The following PALM2AKAP2 variants were observed in gnomAD, a reference collection of about 807,000 sequenced individuals.
PALM2AKAP2 encodes PALM2-AKAP2 fusion protein.
In PALM2AKAP2, 37 loss-of-function variants were observed where a neutral mutation model predicts 71.5. The ratio of observed to expected loss-of-function variants is 0.52; its 90% CI spans 0.40 to 0.68. PALM2AKAP2 has a LOEUF of 0.68. PALM2AKAP2 is among the 30% of genes least tolerant of loss of function. The probability of loss-of-function intolerance (pLI) is 0.00; values close to 1 mark genes in which losing one functional copy is unlikely to be tolerated. For synonymous variants in PALM2AKAP2, 468 were observed against 478.8 expected (o/e 0.98, Z 0.29); for missense variants, 1,224 against 1,191.8 (o/e 1.03, Z -0.40).
exon 4 of PALM2AKAP2, chr9:110,170,744 T>A (rs548619826): frequency 2.2e-4 from 33 of 152,132 alleles, no homozygotes; most frequent in Admixed American, 6.5e-5. Context: ...GAAAATGAGA[T>A]CCGTGTTAGA....
intron 1 of PALM2AKAP2, among the ~76,000 whole-genome samples, chr9:109,690,743 A>G (rs1461452952): frequency 6.6e-6 from 1 of 152,206 alleles, no homozygotes; most frequent in Non-Finnish European, 1.5e-5. Flanking sequence ...GTAAATTATA[A>G]AGACTCTCTC....
At chr9:109,797,955 C>T (rs1430600546) in intron 1 of PALM2AKAP2, among the ~76,000 whole-genome samples, 1 of 152,128 alleles carries the variant, frequency 6.6e-6, no homozygotes, top group Non-Finnish European at 1.5e-5. Flanking sequence ...TAATAAAGTG[C>T]CACAAATTGG....
At chr9:110,069,446 G>T (rs939174891) in intron 1 of PALM2AKAP2, among the ~76,000 whole-genome samples, 2 of 152,124 alleles carry the variant, frequency 1.3e-5, no homozygotes, top group Admixed American at 6.6e-5. Context: ...CATGAGACAG[G>T]TTCATTTTTA....
chr9:109,749,414 G>T (rs1828852525), intron 1 of PALM2AKAP2, among the ~76,000 whole-genome samples: 1 of 152,036 alleles, frequency 6.6e-6, no homozygotes, highest in South Asian at 2.1e-4. Flanking sequence ...TGTCTAGATT[G>T]CTGCTGGCTT....
At chr9:109,894,164 C>T (rs750738850) in intron 3 of PALM2AKAP2, among the ~76,000 whole-genome samples, 1 of 152,082 alleles carries the variant, frequency 6.6e-6, no homozygotes, top group Non-Finnish European at 1.5e-5. Flanking sequence ...TGATGAAACC[C>T]CGTCTCTACT....
At chr9:109,865,096 CTTTT>C (rs58922983) in intron 1 of PALM2AKAP2, among the ~76,000 whole-genome samples, 19 of 75,646 alleles carry the variant, frequency 2.5e-4, no homozygotes, top group Admixed American at 6.2e-4. Flanking sequence ...CTACTCATTC[CTTTT>C]TTTTTTTTTT....
intron 6 of PALM2AKAP2, among the ~76,000 whole-genome samples, chr9:109,959,168 T>C (rs1831805617): frequency 6.6e-6 from 1 of 152,128 alleles, no homozygotes; most frequent in Non-Finnish European, 1.5e-5. Flanking sequence ...CCACAGACAA[T>C]GTTTAACTCT....
chr9:109,883,320 G>T (rs540094095), intron 3 of PALM2AKAP2, among the ~76,000 whole-genome samples: 1 of 152,304 alleles, frequency 6.6e-6, no homozygotes, highest in South Asian at 2.1e-4. Flanking sequence ...CCAGAGGAAG[G>T]AAATCACAAT....
chr9:109,693,424 A>AT (rs1177215491), intron 1 of PALM2AKAP2, among the ~76,000 whole-genome samples: 2 of 151,248 alleles, frequency 1.3e-5, no homozygotes, highest in South Asian at 2.1e-4. Flanking sequence ...GATTTGCTTT[A>AT]TTTTTTCTTG....
intron 1 of PALM2AKAP2, among the ~76,000 whole-genome samples, chr9:109,691,413 C>G (rs936123753): frequency 1.3e-5 from 2 of 151,978 alleles, no homozygotes; most frequent in Non-Finnish European, 2.9e-5. Flanking sequence ...CTTAGAAAGA[C>G]AGTCTAATTT....
chr9:110,017,529 A>G lies in PALM2AKAP2; in HGVS notation c.582+1490A>G, dbSNP rs117388396. ...CTATGACCACATTGGACGAAGGGGA[A>G]TGGGTGCCAATAGTAAAACCTGTTG... On this transcript the variant is annotated intron_variant, in intron 7 of 9. Transcript: ENST00000302798. Among the ~76,000 whole-genome samples the G allele has an allele frequency of 2.2e-3, 332 of 152,290 alleles. 1 individual carries two copies. Among genetic ancestry groups the G allele is most frequent in the Admixed American group, 4.1e-3 (63 of 15,290 alleles).
exon 2 of PALM2AKAP2, chr9:110,136,191 C>A: frequency 6.2e-7 from 1 of 1,612,972 alleles, no homozygotes; most frequent in East Asian, 2.2e-5. Context: ...TATAGTGCCA[C>A]CCTCCTGGAG....
At chr9:110,148,555 T>C (rs1476360756) in intron 2 of PALM2AKAP2, 2 of 152,208 alleles carry the variant, frequency 1.3e-5, no homozygotes, top group African/African-American at 4.8e-5. Flanking sequence ...TGTTCCCTTG[T>C]ACTGAGAGGA....
rs377066494 is a variant in PALM2AKAP2 at position 109,829,889 on chromosome 9, G to A, written c.46-37602G>A. Among the ~76,000 whole-genome samples, 18 of 152,152 alleles carry A rather than the reference G, an allele frequency of 1.2e-4. No individual in the cohort carries two copies. The East Asian group carries it at 1.9e-3, about 16-fold the overall frequency. ...CTGACATTTAACCTGAGTTCAGTTA[G>A]GAAGACAAACAAAAAACACAGACAA... On this transcript the variant is annotated intron_variant, in intron 1 of 9. Coordinates refer to the PALM2AKAP2 transcript ENST00000302798.
intron 1 of PALM2AKAP2, among the ~76,000 whole-genome samples, chr9:110,108,184 T>C (rs1564309193): frequency 6.6e-6 from 1 of 150,922 alleles, no homozygotes. Flanking sequence ...GGCGCAATCT[T>C]GGCTCACTGC....
At chr9:109,672,420 G>A (rs995527936) in intron 1 of PALM2AKAP2, among the ~76,000 whole-genome samples, 7 of 152,148 alleles carry the variant, frequency 4.6e-5, no homozygotes, top group Non-Finnish European at 1.0e-4. Context: ...ATTTGCATAT[G>A]TTGAACCAAC....
intron 1 of PALM2AKAP2, among the ~76,000 whole-genome samples, chr9:109,719,205 T>C (rs1828370824): frequency 6.6e-6 from 1 of 152,232 alleles, no homozygotes; most frequent in Non-Finnish European, 1.5e-5. Flanking sequence ...GCATGTTTAG[T>C]CTAAGTGTTT....
chr9:109,905,306 G>A (rs1245863052), intron 3 of PALM2AKAP2, among the ~76,000 whole-genome samples: 4 of 152,200 alleles, frequency 2.6e-5, no homozygotes, highest in Non-Finnish European at 4.4e-5. Flanking sequence ...CTCAGCCATC[G>A]AGGCCATTGT....
chr9:109,795,638 C>T (rs778477300), intron 1 of PALM2AKAP2, among the ~76,000 whole-genome samples: 24 of 152,172 alleles, frequency 1.6e-4, no homozygotes, highest in Non-Finnish European at 2.5e-4. Flanking sequence ...GACATTAAGA[C>T]AGATTAGAGC....
Sources: allele counts gnomAD v4.1 joint callset (sites outside exome capture counted in the v4.1 genomes callset), GRCh38; gene constraint gnomAD v4.1.1; transcripts MANE v1.5; gene names NCBI Gene and HGNC (gene_info 2026-07-23, HGNC 2026-07-21).